The following CSMD1 variants were observed in gnomAD, a reference collection of about 807,000 sequenced individuals.
The protein encoded by CSMD1 is CUB and Sushi multiple domains 1, also known as CUB and sushi domain-containing protein 1.
A neutral mutation model predicts 417.5 loss-of-function variants in CSMD1; 213 were observed. That is an observed-to-expected ratio of 0.51 (90% CI 0.46 to 0.57). The LOEUF (loss-of-function observed/expected upper bound fraction) is 0.57, where lower values mean the gene tolerates loss of function less well. Ranked by LOEUF, CSMD1 falls within the 20% of genes least tolerant of loss-of-function variation. The pLI, the probability that CSMD1 is intolerant of heterozygous loss-of-function variation, is 0.00. For missense variants in CSMD1, 6,923 were observed against 4,529.7 expected, an observed-to-expected ratio of 1.53 and a Z score of -15.17; for synonymous variants, 2,862 against 1,736.8, an observed-to-expected ratio of 1.65 and a Z score of -16.11.
intron 3 of CSMD1, among the ~76,000 whole-genome samples, chr8:4,036,722 G>A (rs904087796): frequency 6.6e-6 from 1 of 152,226 alleles, no homozygotes; most frequent in African/African-American, 2.4e-5. Context: ...TCCTTTTGCA[G>A]ATGCAGTTGC....
intron 30 of CSMD1, among the ~76,000 whole-genome samples, chr8:3,209,580 A>C (rs1384254612): frequency 6.6e-6 from 1 of 152,210 alleles, no homozygotes; most frequent in Non-Finnish European, 1.5e-5. Context: ...CGGCCTCCCA[A>C]AGTGCTGGAA....
intron 7 of CSMD1, among the ~76,000 whole-genome samples, chr8:3,658,578 T>A (rs1798247716): frequency 6.6e-6 from 1 of 151,280 alleles, no homozygotes; most frequent in African/African-American, 2.4e-5. Context: ...AGGTCAGGAG[T>A]TTGAGACCAG....
At chr8:3,801,833 G>C (rs1024322610) in intron 5 of CSMD1, among the ~76,000 whole-genome samples, 2 of 151,980 alleles carry the variant, frequency 1.3e-5, no homozygotes, top group Admixed American at 1.3e-4. Context: ...GAATACTGAG[G>C]GACCAGAATC....
intron 3 of CSMD1, among the ~76,000 whole-genome samples, chr8:4,122,576 A>G (rs1802546390): frequency 6.6e-6 from 1 of 152,178 alleles, no homozygotes; most frequent in African/African-American, 2.4e-5. Context: ...TTTGGAGGAC[A>G]TCGCATGCCC....
At chr8:4,976,503 A>C (rs1466944403) in intron 1 of CSMD1, among the ~76,000 whole-genome samples, 1 of 152,198 alleles carries the variant, frequency 6.6e-6, no homozygotes, top group African/African-American at 2.4e-5. Context: ...GTTGTTTTTT[A>C]TCCTTACCTC....
chr8:3,616,476 C>G (rs1802144332), intron 8 of CSMD1, among the ~76,000 whole-genome samples: 1 of 152,176 alleles, frequency 6.6e-6, no homozygotes, highest in Non-Finnish European at 1.5e-5. Context: ...ATTACCCACT[C>G]TCTGGTATGC....
chr8:4,990,704 ATCT>A (rs1196177432), intron 1 of CSMD1, among the ~76,000 whole-genome samples: 1 of 152,086 alleles, frequency 6.6e-6, no homozygotes, highest in Admixed American at 6.5e-5. Context: ...CTGCGAAAGT[ATCT>A]TCTTCACAGG....
Position 4,700,971 on chromosome 8 carries a change from T to C in CSMD1, c.86-63413A>G, listed in dbSNP as rs189351272. ...TAACCTTCGGTCTCCTGCATGTACATACTTCTAATAATAAGTGAGTTTAGG... is the reference window on the plus strand; with the variant it reads ...TAACCTTCGGTCTCCTGCATGTACACACTTCTAATAATAAGTGAGTTTAGG... On this transcript the variant is annotated intron_variant, in intron 1 of 69. Transcript: ENST00000635120. Among the ~76,000 whole-genome samples the C allele has an allele frequency of 3.0e-4, 45 of 152,316 alleles. No individual in the cohort carries two copies. In the East Asian group the frequency reaches 3.3e-3, roughly 11 times the overall value.
chr8:4,838,151 C>G (rs759635815), intron 1 of CSMD1, among the ~76,000 whole-genome samples: 1 of 152,094 alleles, frequency 6.6e-6, no homozygotes, highest in Non-Finnish European at 1.5e-5. Flanking sequence ...GGAAATATAG[C>G]TTTCTGCTAC....
At chr8:4,089,977 G>A (rs567476636) in intron 3 of CSMD1, among the ~76,000 whole-genome samples, 17 of 152,182 alleles carry the variant, frequency 1.1e-4, no homozygotes, top group African/African-American at 1.9e-4. Context: ...ATAGAATGCC[G>A]CTATAATGGA....
intron 7 of CSMD1, among the ~76,000 whole-genome samples, chr8:3,707,569 G>A (rs964655041): frequency 3.9e-5 from 6 of 152,292 alleles, no homozygotes; most frequent in African/African-American, 1.4e-4. Flanking sequence ...CTCATCTCTC[G>A]TTTGTAAGAA....
intron 3 of CSMD1, among the ~76,000 whole-genome samples, chr8:4,217,762 A>C (rs1215307612): frequency 6.6e-6 from 1 of 152,184 alleles, no homozygotes; most frequent in Non-Finnish European, 1.5e-5. Context: ...ATACTGGAAC[A>C]TTTAGGGCAG....
intron 51 of CSMD1, among the ~76,000 whole-genome samples, chr8:3,027,240 T>A (rs1466669662): frequency 6.6e-6 from 1 of 152,164 alleles, no homozygotes; most frequent in Non-Finnish European, 1.5e-5. Context: ...AGTAACAATA[T>A]ACTCCATGTC....
chr8:4,109,470 C>G (rs956281543), intron 3 of CSMD1, among the ~76,000 whole-genome samples: 3 of 152,114 alleles, frequency 2.0e-5, no homozygotes, highest in South Asian at 4.1e-4. Flanking sequence ...AAATATGTAA[C>G]CCTACTTTAC....
At chr8:4,732,434 A>G (rs796667667) in intron 1 of CSMD1, among the ~76,000 whole-genome samples, 8 of 151,576 alleles carry the variant, frequency 5.3e-5, no homozygotes, top group African/African-American at 1.7e-4. Context: ...CCAAGCATTT[A>G]TTCTCACTCA....
chr8:4,278,515 G>C (rs753296000), intron 3 of CSMD1, among the ~76,000 whole-genome samples: 1 of 152,150 alleles, frequency 6.6e-6, no homozygotes, highest in African/African-American at 2.4e-5. Context: ...GTAATTGTGA[G>C]TTTTACCATT....
At chr8:3,700,973 G>C (rs986014289) in intron 7 of CSMD1, among the ~76,000 whole-genome samples, 79 of 151,804 alleles carry the variant, frequency 5.2e-4, no homozygotes, top group African/African-American at 1.8e-3. Flanking sequence ...ATGACATGAT[G>C]ATACAGGTGA....
intron 3 of CSMD1, among the ~76,000 whole-genome samples, chr8:4,275,198 G>A (rs1276670965): frequency 1.3e-5 from 2 of 152,050 alleles, no homozygotes; most frequent in Non-Finnish European, 2.9e-5. Context: ...TAGTTTTTAA[G>A]ATAAATTATT....
intron 23 of CSMD1, among the ~76,000 whole-genome samples, chr8:3,314,421 T>G (rs1219436122): frequency 1.3e-5 from 2 of 152,176 alleles, no homozygotes; most frequent in Non-Finnish European, 2.9e-5. Context: ...GGTATCCTTT[T>G]CTATCTTGAA....
Sources: allele counts gnomAD v4.1 joint callset (sites outside exome capture counted in the v4.1 genomes callset), GRCh38; gene constraint gnomAD v4.1.1; transcripts MANE v1.5; gene names NCBI Gene and HGNC (gene_info 2026-07-23, HGNC 2026-07-21).